The following ANO1 variants were observed in gnomAD, a reference collection of about 807,000 sequenced individuals.
ANO1 encodes anoctamin 1, also known as anoctamin-1.
ANO1 carries 59 observed loss-of-function variants against 124.0 expected under a neutral mutation model. The observed-to-expected ratio is 0.48, with a 90% CI of 0.39 to 0.59. The LOEUF is 0.59. Among genes scored for constraint, ANO1 ranks in the 20% least tolerant of loss-of-function variants. The pLI, the probability that ANO1 is intolerant of heterozygous loss-of-function variation, is 0.00. For synonymous variants in ANO1, 529 were observed against 532.0 expected, an observed-to-expected ratio of 0.99 and a Z score of 0.08; for missense variants, 1,059 against 1,328.0, an observed-to-expected ratio of 0.80 and a Z score of 3.15.
intron 25 of ANO1, among the ~76,000 whole-genome samples, chr11:70,187,283 C>T (rs1280042822): frequency 6.6e-6 from 1 of 152,208 alleles, no homozygotes. Context: ...TAAAAACTGA[C>T]TTATGTTGCC....
At chr11:70,013,048 T>A (rs781890558) in intron 1 of ANO1, among the ~76,000 whole-genome samples, 11 of 152,222 alleles carry the variant, frequency 7.2e-5, no homozygotes, top group Non-Finnish European at 1.3e-4. Flanking sequence ...ACCAGAGGGA[T>A]CTGACCCAAT....
intron 11 of ANO1, among the ~76,000 whole-genome samples, chr11:70,136,498 C>T (rs138569315): frequency 2.5e-5 from 3 of 118,590 alleles, no homozygotes; most frequent in Non-Finnish European, 4.0e-5. Flanking sequence ...GTCCTTTGGC[C>T]GATTTCATGT....
intron 1 of ANO1, among the ~76,000 whole-genome samples, chr11:70,021,258 G>A (rs536266506): frequency 1.6e-4 from 24 of 152,234 alleles, no homozygotes; most frequent in African/African-American, 3.9e-4. Context: ...TTGTCATCCC[G>A]CTTAAGACTA....
At chr11:69,993,785 C>T (rs931406159) in intron 1 of ANO1, among the ~76,000 whole-genome samples, 2 of 152,224 alleles carry the variant, frequency 1.3e-5, no homozygotes, top group Non-Finnish European at 2.9e-5. Context: ...TGCCTGCAGG[C>T]GGGGCTCACC....
intron 1 of ANO1, among the ~76,000 whole-genome samples, chr11:70,040,040 G>C (rs996412276): frequency 1.3e-5 from 2 of 152,104 alleles, no homozygotes; most frequent in African/African-American, 4.8e-5. Flanking sequence ...TGTCGATCCT[G>C]GGTATTCTCT....
At chr11:70,097,522 G>A (rs189288266) in intron 2 of ANO1, among the ~76,000 whole-genome samples, 7 of 152,316 alleles carry the variant, frequency 4.6e-5, no homozygotes, top group Admixed American at 1.3e-4. Flanking sequence ...CATCTTGCCC[G>A]CGTGCCCTCT....
At chr11:70,119,636 A>G in intron 8 of ANO1, among the ~76,000 whole-genome samples, 1 of 141,868 alleles carries the variant, frequency 7.0e-6, no homozygotes. Flanking sequence ...ATGATGGATG[A>G]CGGGTGGATG....
chr11:69,974,679 C>T, the ANO1 span, among the ~76,000 whole-genome samples: 20 of 152,148 alleles, frequency 1.3e-4, no homozygotes, highest in Non-Finnish European at 5.9e-5. Context: ...AGCCTCCCAG[C>T]AGCCAGTTCT....
intron 1 of ANO1, among the ~76,000 whole-genome samples, chr11:69,997,468 C>T (rs1325945468): frequency 2.0e-5 from 3 of 152,298 alleles, no homozygotes; most frequent in African/African-American, 7.2e-5. Context: ...CCTACTGGTC[C>T]CCCAGGCCAC....
intron 1 of ANO1, among the ~76,000 whole-genome samples, chr11:70,006,574 TCTTTCTTACTTA>T (rs1230174850): frequency 6.1e-5 from 9 of 148,444 alleles, no homozygotes; most frequent in Non-Finnish European, 1.0e-4. Flanking sequence ...TTTCTTTCTT[TCTTTCTTACTTA>T]CTTTCTTTCT....
At chr11:70,179,214 G>A (rs1046801717) in intron 22 of ANO1, among the ~76,000 whole-genome samples, 2 of 152,236 alleles carry the variant, frequency 1.3e-5, no homozygotes, top group African/African-American at 4.8e-5. Flanking sequence ...ACAGAGAGCA[G>A]GCCCCAGGAT....
At chr11:70,134,618 G>A (rs1590824894) in intron 11 of ANO1, among the ~76,000 whole-genome samples, 2 of 152,330 alleles carry the variant, frequency 1.3e-5, no homozygotes, top group South Asian at 2.1e-4. Flanking sequence ...GAGTGTGCGT[G>A]CGCCTGGTGT....
intron 11 of ANO1, among the ~76,000 whole-genome samples, chr11:70,149,199 G>A (rs189162397): frequency 3.1e-3 from 478 of 152,208 alleles, no homozygotes; most frequent in Non-Finnish European, 4.9e-3. Context: ...GGGTAACCTC[G>A]GTCGGGACTT....
At chr11:70,020,891 A>G (rs1344101743) in intron 1 of ANO1, 3 of 152,254 alleles carry the variant, frequency 2.0e-5, no homozygotes, top group Non-Finnish European at 4.4e-5. Flanking sequence ...ACCTTTTTAG[A>G]AAAACAGGCC....
chr11:70,051,417 T>G (rs1248220956), intron 1 of ANO1, among the ~76,000 whole-genome samples: 2 of 152,212 alleles, frequency 1.3e-5, no homozygotes, highest in African/African-American at 4.8e-5. Flanking sequence ...AATTTCAGGG[T>G]CGTAAGACAA....
At chr11:70,100,743 G>A (rs1214122220) in intron 2 of ANO1, among the ~76,000 whole-genome samples, 1 of 152,214 alleles carries the variant, frequency 6.6e-6, no homozygotes, top group African/African-American at 2.4e-5. Flanking sequence ...CTTGCAGTGA[G>A]GATAAAATGA....
chr11:70,066,675 CG>C (rs1165574867), intron 1 of ANO1, among the ~76,000 whole-genome samples: 3 of 152,174 alleles, frequency 2.0e-5, no homozygotes, highest in Non-Finnish European at 2.9e-5. Context: ...CCCTGAATGA[CG>C]GCACAGCAGA....
At chr11:70,111,364 G>C (rs2045773138) in intron 6 of ANO1, among the ~76,000 whole-genome samples, 1 of 152,186 alleles carries the variant, frequency 6.6e-6, no homozygotes, top group African/African-American at 2.4e-5. Flanking sequence ...GGACAGGTGG[G>C]GGGAGCCGGT....
the ANO1 span, among the ~76,000 whole-genome samples, chr11:69,976,126 C>G: frequency 6.6e-6 from 1 of 152,144 alleles, no homozygotes. Flanking sequence ...TGAAATCTGT[C>G]CCCTTACATT....
Sources: gnomAD v4.1 joint callset for allele counts (sites outside exome capture counted in the v4.1 genomes callset) on GRCh38, gnomAD v4.1.1 for gene constraint, MANE v1.5 for transcripts, NCBI Gene and HGNC (gene_info 2026-07-23, HGNC 2026-07-21) for gene names.